The following NTPCR variants were observed in gnomAD, a reference collection of about 807,000 sequenced individuals.
NTPCR encodes the protein nucleoside-triphosphatase, cancer-related.
NTPCR carries 15 observed loss-of-function variants against 19.5 expected under a neutral mutation model. That is an observed-to-expected ratio of 0.77 (90% CI 0.51 to 1.18). The LOEUF (loss-of-function observed/expected upper bound fraction) is 1.18. NTPCR is among the 50% of genes most tolerant of loss of function. The pLI is 0.00. For synonymous variants in NTPCR, 90 were observed against 95.8 expected (o/e 0.94, Z 0.36); for missense variants, 206 against 240.4 (o/e 0.86, Z 0.95).
intron 1 of NTPCR, among the ~76,000 whole-genome samples, chr1:232,951,872 A>G (rs914252961): frequency 5.9e-5 from 9 of 152,252 alleles, no homozygotes; most frequent in Non-Finnish European, 7.4e-5. Context: ...TGGTTTGTCA[A>G]TCCTTTATTT....
chr1:232,951,034 T>G (rs1403432677), intron 1 of NTPCR: 1 of 421,082 alleles, frequency 2.4e-6, no homozygotes, highest in African/African-American at 2.1e-5. Context: ...TAACTCCTAC[T>G]GTAGTGTTGA....
At chr1:232,952,603 C>T (rs1245125657) in intron 1 of NTPCR, among the ~76,000 whole-genome samples, 1 of 152,014 alleles carries the variant, frequency 6.6e-6, no homozygotes, top group Non-Finnish European at 1.5e-5. Flanking sequence ...CTCCACCTTC[C>T]AGGCTCAAAC....
intron 4 of NTPCR, among the ~76,000 whole-genome samples, chr1:232,970,480 T>G (rs1446571079): frequency 6.6e-6 from 1 of 152,132 alleles, no homozygotes; most frequent in Non-Finnish European, 1.5e-5. Context: ...GAGGCAAATA[T>G]TTTTTGTTTT....
chr1:232,969,873 C>T, intron 3 of NTPCR, 36 bp from the exon 4 acceptor site: 12 of 1,567,168 alleles, frequency 7.7e-6, no homozygotes, highest in Non-Finnish European at 1.1e-5. Flanking sequence ...ATTAATGTGA[C>T]TCTGATGTCC....
chr1:232,981,327 G>T lies in NTPCR; in HGVS notation c.*3096G>T, dbSNP rs1448407637. 6.6e-6 allele frequency: 1 copy of T among 152,132 alleles called. No homozygotes were observed. The highest frequency in any genetic ancestry group is 2.1e-4 in the South Asian group (1 of 4,828). 9.4% of individuals were successfully genotyped at this position (152,132 alleles called of 1,614,324 possible). On this transcript the variant is annotated 3_prime_UTR_variant, in exon 5 of 5. Transcript: ENST00000366628. Reference sequence around the variant, plus strand: ...CTCCAGTTATCAAGGGGGTGGGAACGCTGGTGGGCTGGAAAATGTGGAACA... The same window carrying T: ...CTCCAGTTATCAAGGGGGTGGGAACTCTGGTGGGCTGGAAAATGTGGAACA...
rs1669195797 is a variant in NTPCR, at chr1:232,978,171, G to A, written c.513G>A (p.Lys171=). ...RKDVKVFNVT[K]ENRNHLLPDI... is the part of the protein sequence containing the mutation. ...CTCACTTCTTCCCACAGGTCACCAAGGAAAACAGAAACCACCTTCTGCCAG... is the reference window on the plus strand; with the variant it reads ...CTCACTTCTTCCCACAGGTCACCAAAGAAAACAGAAACCACCTTCTGCCAG... The change falls in exon 5 of 5, where the codon AAG becomes AAA. Residue 171 remains lysine, a synonymous_variant. Coordinates refer to ENST00000366628, the MANE Select transcript of NTPCR (RefSeq NM_032324.3). 1.9e-6 allele frequency: 3 copies of A among 1,614,048 alleles called. No individual in the cohort carries two copies. Among genetic ancestry groups the A allele is most frequent in the Non-Finnish European group, 2.5e-6 (3 of 1,179,916 alleles).
At position 232,952,554 on chromosome 1, in the gene NTPCR, A is replaced by G. The variant is rs187225952; in HGVS notation, c.34+1810A>G. Among the ~76,000 whole-genome samples, 41 of 152,050 alleles carry G rather than the reference A, an allele frequency of 2.7e-4. No individual in the cohort carries two copies. The East Asian group carries it at 7.7e-3, about 29-fold the overall frequency. ...GAGACAGGGCCTCTCTCTGTTGCCCAGGTTGGAGTGCAGTGGCACAATCTT... is the reference window on the plus strand; with the variant it reads ...GAGACAGGGCCTCTCTCTGTTGCCCGGGTTGGAGTGCAGTGGCACAATCTT... On this transcript the variant is annotated intron_variant, in intron 1 of 4. Coordinates refer to ENST00000366628, the MANE Select transcript of NTPCR (RefSeq NM_032324.3).
intron 4 of NTPCR, chr1:232,977,652 C>G (rs1481730315): frequency 6.5e-6 from 1 of 154,380 alleles, no homozygotes; most frequent in African/African-American, 2.4e-5. Context: ...TCTGGCTCTC[C>G]CACTTCTCCA....
chr1:232,952,613 C>G (rs1223824949), intron 1 of NTPCR, among the ~76,000 whole-genome samples: 1 of 152,076 alleles, frequency 6.6e-6, no homozygotes, highest in Non-Finnish European at 1.5e-5. Flanking sequence ...CAGGCTCAAA[C>G]CATCTTCCCA....
chr1:232,976,736 G>A, intron 4 of NTPCR: 1 of 621,182 alleles, frequency 1.6e-6, no homozygotes, highest in Non-Finnish European at 2.5e-6. Flanking sequence ...TGGGATCACG[G>A]GACTGACGCA....
At chr1:232,952,147 A>G (rs1558124020) in intron 1 of NTPCR, among the ~76,000 whole-genome samples, 1 of 152,198 alleles carries the variant, frequency 6.6e-6, no homozygotes, top group South Asian at 2.1e-4. Context: ...CAATGTTTAC[A>G]GTATTATGGC....
Position 232,978,302 on chromosome 1 carries a change from C to A in NTPCR, c.*71C>A. 7.5e-7 allele frequency: 1 copy of A among 1,329,170 alleles called. No homozygotes were observed. The highest frequency in any genetic ancestry group is 1.1e-6 in the Non-Finnish European group (1 of 927,692). 82.3% of individuals were successfully genotyped at this position (1,329,170 alleles called of 1,614,324 possible). A position where few individuals can be genotyped will look rare whatever the true frequency, so the allele number is the denominator to read the frequency against. On this transcript the variant is annotated 3_prime_UTR_variant, in exon 5 of 5. Coordinates refer to ENST00000366628, the MANE Select transcript of NTPCR (RefSeq NM_032324.3). The stretch of plus-strand genomic sequence containing the variant: ...AGGAGCCTGATGGAGCCCTGCCTGT[C>A]GAGGCTGTATGCCTATGGGGTTATG...
intron 3 of NTPCR, chr1:232,968,122 A>C (rs1302889533): frequency 6.6e-6 from 1 of 152,158 alleles, no homozygotes; most frequent in Non-Finnish European, 1.5e-5. Context: ...TGAGTTCCCC[A>C]GGAAGGATGC....
In NTPCR at chr1:232,958,554, G is replaced by T. The variant is rs1369292920; in HGVS notation, c.294+2111G>T. On this transcript the variant is annotated intron_variant, in intron 3 of 4. Transcript: ENST00000366628. The stretch of plus-strand genomic sequence containing the variant: ...GGTATCTTATGGTCTGTTTCAGCAG[G>T]GGGTTGTGCTTCTTGGAACCCACCA... Among the ~76,000 whole-genome samples, 3 of 152,284 alleles carry T rather than the reference G, an allele frequency of 2.0e-5. No homozygotes were observed. In the East Asian group the frequency reaches 5.8e-4, roughly 29 times the overall value.
chr1:232,957,521 G>T (rs1668546597), intron 3 of NTPCR, among the ~76,000 whole-genome samples: 1 of 151,864 alleles, frequency 6.6e-6, no homozygotes, highest in South Asian at 2.1e-4. Flanking sequence ...TTGTAAGATT[G>T]GTGATATTGT....
chr1:232,969,034 T>G (rs1668901099), intron 3 of NTPCR: 1 of 152,260 alleles, frequency 6.6e-6, no homozygotes, highest in Non-Finnish European at 1.5e-5. Flanking sequence ...GTACACAGTA[T>G]CTGAGGATCA....
intron 3 of NTPCR, among the ~76,000 whole-genome samples, chr1:232,959,032 A>G (rs190692908): frequency 1.1e-3 from 161 of 152,304 alleles, no homozygotes; most frequent in African/African-American, 3.7e-3. Flanking sequence ...TTGTATTCTG[A>G]TTGCCAAATG....
rs1306473041 is a variant in NTPCR at position 232,982,405 on chromosome 1, G to A, written c.*4174G>A. On this transcript the variant is annotated 3_prime_UTR_variant, in exon 5 of 5. Transcript: ENST00000366628. ...ACTCGAGATGCCCGCTCTCATAGAC[G>A]GTGCAGAGCGTCACTGCATTCCTAT... 4.6e-5 allele frequency: 7 copies of A among 152,168 alleles called. No homozygotes were observed. The highest frequency in any genetic ancestry group is 2.0e-4 in the Admixed American group (3 of 15,292). The allele number at this position is 152,168 out of a possible 1,614,324, so 9.4% of individuals were successfully genotyped here.
intron 3 of NTPCR, among the ~76,000 whole-genome samples, chr1:232,959,922 T>C (rs978633800): frequency 6.6e-6 from 1 of 152,026 alleles, no homozygotes; most frequent in East Asian, 1.9e-4. Flanking sequence ...AGTAAGGATG[T>C]GGCTGGGACT....
Sources: gnomAD v4.1 joint callset for allele counts (sites outside exome capture counted in the v4.1 genomes callset) on GRCh38, gnomAD v4.1.1 for gene constraint, MANE v1.5 for transcripts, NCBI Gene and HGNC (gene_info 2026-07-23, HGNC 2026-07-21) for gene names.